MPPED2: variants seen among roughly 807,000 people sequenced by gnomAD.
MPPED2 encodes metallophosphoesterase MPPED2.
Under a neutral mutation model 33.0 loss-of-function variants are expected in MPPED2, and 5 were observed. The ratio of observed to expected loss-of-function variants is 0.15; its 90% CI spans 0.08 to 0.32. The LOEUF is 0.32. Ranked by LOEUF, MPPED2 falls within the 10% of genes least tolerant of loss-of-function variation. The pLI is 1.00. For synonymous variants in MPPED2, 136 were observed against 141.9 expected, an observed-to-expected ratio of 0.96 and a Z score of 0.29; for missense variants, 275 against 372.1, an observed-to-expected ratio of 0.74 and a Z score of 2.15.
chr11:30,550,389 C>T (rs929580510), intron 2 of MPPED2, among the ~76,000 whole-genome samples: 10 of 152,256 alleles, frequency 6.6e-5, no homozygotes, highest in African/African-American at 2.2e-4. Flanking sequence ...TCTTTGTTTG[C>T]CCTGACTCTT....
intron 2 of MPPED2, among the ~76,000 whole-genome samples, chr11:30,564,940 T>A (rs1368869149): frequency 6.6e-6 from 1 of 152,162 alleles, no homozygotes; most frequent in Non-Finnish European, 1.5e-5. Context: ...CAGAACCTTA[T>A]CATTCCTCTC....
At chr11:30,583,946 G>T (rs1408121756) in intron 1 of MPPED2, among the ~76,000 whole-genome samples, 1 of 152,164 alleles carries the variant, frequency 6.6e-6, no homozygotes, top group Non-Finnish European at 1.5e-5. Flanking sequence ...CAGATCCAGT[G>T]CGTTCTTAAT....
chr11:30,490,197 T>G (rs1189675727), intron 4 of MPPED2, among the ~76,000 whole-genome samples: 1 of 152,074 alleles, frequency 6.6e-6, no homozygotes, highest in Non-Finnish European at 1.5e-5. Context: ...AAAGACAAAA[T>G]TGGGCACCAC....
At chr11:30,417,684 G>A (rs571151311) in intron 4 of MPPED2, 51 bp from the exon 5 acceptor site, 43 of 1,032,770 alleles carry the variant, frequency 4.2e-5, no homozygotes, top group Non-Finnish European at 5.0e-5. Context: ...CCACGGCTCC[G>A]CTCTGCAATA....
chr11:30,564,706 T>C (rs1956368896), intron 2 of MPPED2, among the ~76,000 whole-genome samples: 1 of 152,210 alleles, frequency 6.6e-6, no homozygotes, highest in African/African-American at 2.4e-5. Context: ...AAACTATTTA[T>C]TGAAGCCTTA....
At chr11:30,454,839 C>T (rs186404962) in intron 4 of MPPED2, among the ~76,000 whole-genome samples, 154 of 152,274 alleles carry the variant, frequency 1.0e-3, no homozygotes, top group South Asian at 6.6e-3. Flanking sequence ...AGCCTATAAG[C>T]TCTTCATTTT....
rs143857238 is a variant in MPPED2, at chr11:30,415,111, G to A, written c.653-770C>T. Among the ~76,000 whole-genome samples the A allele has an allele frequency of 4.8e-4, 73 of 152,280 alleles. 1 individual carries two copies. In the East Asian group the frequency reaches 0.013, roughly 26 times the overall value. ...GGCAGGTAGGATGAAAGGCTAAATC[G>A]TAATCTCTGGAAACCCATTCCACAG... On this transcript the variant is annotated intron_variant, in intron 5 of 6. Coordinates refer to ENST00000358117, the MANE Select transcript of MPPED2 (RefSeq NM_001584.3).
intron 3 of MPPED2, among the ~76,000 whole-genome samples, chr11:30,514,469 C>G (rs1488961155): frequency 6.6e-6 from 1 of 152,070 alleles, no homozygotes. Flanking sequence ...CATCACTGAG[C>G]CCCTGAATTA....
At chr11:30,397,211 G>T (rs1335912827) in intron 6 of MPPED2, among the ~76,000 whole-genome samples, 1 of 152,004 alleles carries the variant, frequency 6.6e-6, no homozygotes, top group African/African-American at 2.4e-5. Context: ...TTCTCAAATG[G>T]ATCCTCTTCC....
chr11:30,426,045 G>A (rs1173908115), intron 4 of MPPED2, among the ~76,000 whole-genome samples: 2 of 152,126 alleles, frequency 1.3e-5, no homozygotes, highest in Admixed American at 6.5e-5. Flanking sequence ...TTAGGTTGGT[G>A]CAAAAGTAAC....
Position 30,410,549 on chromosome 11 carries a change from A to G in MPPED2, c.*919T>C. ...CCATTTAAGTCTATACATGCCTGTA[A>G]CTGTACCTAGATTTAACTCAAGCTC... On this transcript the variant is annotated 3_prime_UTR_variant, in exon 7 of 7. Coordinates refer to ENST00000358117, the MANE Select transcript of MPPED2 (RefSeq NM_001584.3). 1 of 985,722 alleles carries G rather than the reference A, an allele frequency of 1.0e-6. No individual in the cohort carries two copies. Among genetic ancestry groups the G allele is most frequent in the Non-Finnish European group, 1.2e-6 (1 of 829,928 alleles). 61.1% of individuals were successfully genotyped at this position (985,722 alleles called of 1,614,324 possible). A position where few individuals can be genotyped will look rare whatever the true frequency, so the allele number is the denominator to read the frequency against.
At chr11:30,504,431 G>T (rs1461631030) in intron 3 of MPPED2, among the ~76,000 whole-genome samples, 2 of 152,140 alleles carry the variant, frequency 1.3e-5, no homozygotes, top group Non-Finnish European at 2.9e-5. Flanking sequence ...AATTACTGGG[G>T]GCTGATAGCA....
At chr11:30,567,775 C>T (rs1339526740) in intron 2 of MPPED2, among the ~76,000 whole-genome samples, 1 of 152,208 alleles carries the variant, frequency 6.6e-6, no homozygotes, top group Non-Finnish European at 1.5e-5. Flanking sequence ...CATTTTCACC[C>T]AAGCAAATTC....
chr11:30,537,929 A>C (rs1357310100), intron 2 of MPPED2, among the ~76,000 whole-genome samples: 1 of 151,416 alleles, frequency 6.6e-6, no homozygotes, highest in African/African-American at 2.4e-5. Flanking sequence ...CATCACTGAG[A>C]CTTGGTTACA....
At chr11:30,484,396 A>G (rs1434948748) in intron 4 of MPPED2, among the ~76,000 whole-genome samples, 1 of 152,020 alleles carries the variant, frequency 6.6e-6, no homozygotes, top group Non-Finnish European at 1.5e-5. Context: ...AACCAAGCTG[A>G]TTTTTTATAT....
At chr11:30,490,279 G>A (rs1951919288) in intron 4 of MPPED2, among the ~76,000 whole-genome samples, 1 of 152,082 alleles carries the variant, frequency 6.6e-6, no homozygotes, top group Non-Finnish European at 1.5e-5. Context: ...TATGTATGAG[G>A]CTGACCCACC....
At chr11:30,553,097 C>A (rs1216004039) in intron 2 of MPPED2, among the ~76,000 whole-genome samples, 1 of 152,168 alleles carries the variant, frequency 6.6e-6, no homozygotes, top group Non-Finnish European at 1.5e-5. Flanking sequence ...CCAATGCAAA[C>A]CAAGGGTGCA....
intron 4 of MPPED2, among the ~76,000 whole-genome samples, chr11:30,471,349 T>G (rs907388054): frequency 3.3e-5 from 5 of 152,220 alleles, no homozygotes; most frequent in African/African-American, 9.6e-5. Flanking sequence ...GCTTAAAACC[T>G]TTCCATGGTT....
At chr11:30,578,276 T>C (rs976490454) in intron 2 of MPPED2, among the ~76,000 whole-genome samples, 6 of 152,140 alleles carry the variant, frequency 3.9e-5, no homozygotes, top group Admixed American at 3.9e-4. Context: ...GGAGCCAAAC[T>C]GTGTGGCTGA....
Sources: allele counts gnomAD v4.1 joint callset (sites outside exome capture counted in the v4.1 genomes callset), GRCh38; gene constraint gnomAD v4.1.1; transcripts MANE v1.5; gene names NCBI Gene and HGNC (gene_info 2026-07-23, HGNC 2026-07-21).